The following SUMF1 variants were observed in gnomAD, a reference collection of about 807,000 sequenced individuals.
SUMF1 encodes formylglycine-generating enzyme.
A neutral mutation model predicts 47.6 loss-of-function variants in SUMF1; 48 were observed. That is an observed-to-expected ratio of 1.01 (90% CI 0.80 to 1.28). The LOEUF (loss-of-function observed/expected upper bound fraction) is 1.28. Ranked by LOEUF, SUMF1 falls within the 50% of genes most tolerant of loss-of-function variation. The pLI is 0.00. For synonymous variants in SUMF1, 230 were observed against 192.1 expected (o/e 1.20, Z -1.63); for missense variants, 571 against 485.4 (o/e 1.18, Z -1.66).
chr3:4,272,012 T>G (rs895878129), intron 8 of SUMF1, among the ~76,000 whole-genome samples: 13 of 152,150 alleles, frequency 8.5e-5, no homozygotes, highest in Non-Finnish European at 5.9e-5. Context: ...AAATTCTTCT[T>G]TATCTCACTA....
intron 9 of SUMF1, among the ~76,000 whole-genome samples, chr3:4,056,898 C>T (rs1410690241): frequency 6.6e-6 from 1 of 151,898 alleles, no homozygotes; most frequent in Admixed American, 6.6e-5. Flanking sequence ...CCTGCCACCA[C>T]GCCCGGCTAA....
chr3:4,226,250 T>G (rs552894381), intron 8 of SUMF1, among the ~76,000 whole-genome samples: 2,870 of 143,730 alleles, frequency 0.02, 39 homozygotes, highest in Non-Finnish European at 0.028. Context: ...ATGATTATTG[T>G]TTTTTTTTTG....
chr3:4,218,351 T>C (rs1159768273), intron 8 of SUMF1, among the ~76,000 whole-genome samples: 1 of 152,088 alleles, frequency 6.6e-6, no homozygotes, highest in African/African-American at 2.4e-5. Context: ...TTTGACAAAT[T>C]TAGGTGGTGG....
intron 8 of SUMF1, among the ~76,000 whole-genome samples, chr3:4,302,744 T>C (rs1001472969): frequency 6.6e-6 from 1 of 152,026 alleles, no homozygotes; most frequent in African/African-American, 2.4e-5. Context: ...TTCAGTGAGG[T>C]TGAAAATGCT....
intron 8 of SUMF1, among the ~76,000 whole-genome samples, chr3:4,340,709 G>C (rs1226110391): frequency 2.0e-5 from 3 of 152,188 alleles, no homozygotes; most frequent in African/African-American, 7.2e-5. Flanking sequence ...AGGACCTGGA[G>C]ATGGATCAGT....
At chr3:4,275,617 C>T (rs1355936744) in intron 8 of SUMF1, among the ~76,000 whole-genome samples, 4 of 152,158 alleles carry the variant, frequency 2.6e-5, no homozygotes. Flanking sequence ...CCAGCTTAGT[C>T]TATTCAGGAC....
chr3:4,367,253 G>C (rs1370479150), intron 8 of SUMF1, among the ~76,000 whole-genome samples: 3 of 152,156 alleles, frequency 2.0e-5, no homozygotes, highest in Non-Finnish European at 4.4e-5. Flanking sequence ...CTTCAAAGCT[G>C]TCAGACAGGG....
chr3:4,369,755 G>T (rs569411152), intron 8 of SUMF1, among the ~76,000 whole-genome samples: 1 of 152,044 alleles, frequency 6.6e-6, no homozygotes, highest in African/African-American at 2.4e-5. Flanking sequence ...TCTAGTATGG[G>T]GCCCAAGAAC....
Position 4,057,339 on chromosome 3 carries a change from C to G in SUMF1, c.1191+11230G>C, listed in dbSNP as rs187802116. Reference sequence around the variant, plus strand: ...CTTGTCTCCTCCTCACCATCACTCACTGCATAAGGCGTGAGTTGGGGATGG... The same window carrying G: ...CTTGTCTCCTCCTCACCATCACTCAGTGCATAAGGCGTGAGTTGGGGATGG... On this transcript the variant is annotated intron_variant and NMD_transcript_variant, in intron 9 of 12. Transcript: ENST00000448413. 6.3e-3 allele frequency among the ~76,000 whole-genome samples: 965 copies of G among 152,218 alleles called. 10 individuals carry two copies. The highest frequency in any genetic ancestry group is 6.8e-3 in the Middle Eastern group (2 of 294).
intron 8 of SUMF1, among the ~76,000 whole-genome samples, chr3:4,252,378 A>ACC (rs71043505): frequency 0.33 from 49,593 of 150,344 alleles, 8,879 homozygotes; most frequent in Non-Finnish European, 0.42. Context: ...ACACACACAC[A>ACC]CCCCACTGGC....
intron 8 of SUMF1, among the ~76,000 whole-genome samples, chr3:4,196,858 G>A (rs548590628): frequency 2.0e-4 from 30 of 152,200 alleles, no homozygotes; most frequent in African/African-American, 7.0e-4. Context: ...TTGCTGTGTT[G>A]CAATAAATCA....
chr3:4,198,354 G>A (rs1356062170), intron 8 of SUMF1, among the ~76,000 whole-genome samples: 3 of 152,218 alleles, frequency 2.0e-5, no homozygotes, highest in East Asian at 3.9e-4. Flanking sequence ...AGATCATTCT[G>A]AAGGAAGTTA....
chr3:4,410,855 T>A lies in SUMF1; in HGVS notation c.954+10A>T. 1 of 1,612,318 alleles carries A rather than the reference T, an allele frequency of 6.2e-7. No individual in the cohort carries two copies. The highest frequency in any genetic ancestry group is 8.5e-7 in the Non-Finnish European group (1 of 1,178,388). On this transcript the variant is annotated intron_variant, in intron 7 of 8. Coordinates refer to ENST00000272902, the MANE Select transcript of SUMF1 (RefSeq NM_182760.4). ...CATTCCAAGACACATGCTCTGTGAATAATACTCACTGGGTTAAGCGTTTCT... is the reference window on the plus strand; with the variant it reads ...CATTCCAAGACACATGCTCTGTGAAAAATACTCACTGGGTTAAGCGTTTCT...
rs544278924 is a variant in SUMF1, at chr3:4,271,702, C to T, written c.1014+104628G>A. On this transcript the variant is annotated intron_variant and NMD_transcript_variant, in intron 8 of 12. Coordinates refer to the SUMF1 transcript ENST00000448413. ...ATTTTGTAGAGACAGGGGTCTCACTCTGTTGCCCAGGCTACTCTCAAACTC... is the reference window on the plus strand; with the variant it reads ...ATTTTGTAGAGACAGGGGTCTCACTTTGTTGCCCAGGCTACTCTCAAACTC... Among the ~76,000 whole-genome samples the T allele has an allele frequency of 4.6e-4, 70 of 152,254 alleles. 1 individual carries two copies. The highest frequency in any genetic ancestry group is 1.6e-3 in the African/African-American group (68 of 41,536).
At chr3:4,356,562 A>T (rs1699622390), downstream of SUMF1, among the ~76,000 whole-genome samples, 1 of 149,488 alleles carries the variant, frequency 6.7e-6, no homozygotes, top group South Asian at 2.1e-4. Context: ...GTCACTCTTC[A>T]GAAATAAATA....
At chr3:4,109,309 G>C (rs1305717854) in intron 8 of SUMF1, among the ~76,000 whole-genome samples, 2 of 152,042 alleles carry the variant, frequency 1.3e-5, no homozygotes, top group African/African-American at 4.8e-5. Flanking sequence ...AAGTCTGATG[G>C]GCTTCCCTTT....
intron 8 of SUMF1, among the ~76,000 whole-genome samples, chr3:4,365,254 C>G (rs200880358): frequency 0.81 from 79,684 of 98,334 alleles, 35,020 homozygotes; most frequent in Non-Finnish European, 0.95. Context: ...GAGCTGAGTT[C>G]AATTCCTGGA....
At chr3:4,039,863 A>G (rs992007399) in intron 9 of SUMF1, among the ~76,000 whole-genome samples, 1 of 152,024 alleles carries the variant, frequency 6.6e-6, no homozygotes, top group Admixed American at 6.5e-5. Flanking sequence ...TCTACAAAAA[A>G]AATTTTCAAA....
chr3:4,121,367 C>T (rs1026018456), intron 8 of SUMF1, among the ~76,000 whole-genome samples: 4 of 152,130 alleles, frequency 2.6e-5, no homozygotes, highest in African/African-American at 9.7e-5. Context: ...CTAGGTTCCA[C>T]GCATTATTCT....
Sources: allele counts gnomAD v4.1 joint callset (sites outside exome capture counted in the v4.1 genomes callset), GRCh38; gene constraint gnomAD v4.1.1; transcripts MANE v1.5; gene names NCBI Gene and HGNC (gene_info 2026-07-23, HGNC 2026-07-21).